Variants in FAN1 observed in about 807,000 individuals in gnomAD.
The protein encoded by FAN1 is fanconi-associated nuclease 1.
A neutral mutation model predicts 104.9 loss-of-function variants in FAN1; 91 were observed. The observed-to-expected ratio is 0.87, with a 90% CI of 0.73 to 1.03. FAN1 has a LOEUF of 1.03. Among genes scored for constraint, FAN1 ranks in the 50% least tolerant of loss-of-function variants. The pLI is 0.00. For missense variants in FAN1, 1,263 were observed against 1,239.9 expected, an observed-to-expected ratio of 1.02 and a Z score of -0.28; for synonymous variants, 478 against 457.6, an observed-to-expected ratio of 1.04 and a Z score of -0.57.
chr15:30,914,172 A>T (rs1243668900), intron 5 of FAN1, 81 bp downstream of exon 5: 1 of 1,071,306 alleles, frequency 9.3e-7, no homozygotes, highest in Non-Finnish European at 1.4e-6. Context: ...TTTTCCAGCC[A>T]AAGTAGAAAC....
chr15:30,941,862 G>T lies in FAN1; in HGVS notation c.*300G>T, dbSNP rs781668189. The T allele has an allele frequency of 8.1e-6, 13 of 1,613,928 alleles. No individual in the cohort carries two copies. Among genetic ancestry groups the T allele is most frequent in the Non-Finnish European group, 7.6e-6 (9 of 1,179,914 alleles). ...AGTTTTATGTGTGTTCCAGAGACAC[G>T]TGGCAGAATAACACCGTGCAGGTTG... On this transcript the variant is annotated 3_prime_UTR_variant, in exon 15 of 15. Coordinates refer to ENST00000362065, the MANE Select transcript of FAN1 (RefSeq NM_014967.5).
chr15:30,909,092 C>T (rs1159332504), intron 3 of FAN1, among the ~76,000 whole-genome samples: 2 of 151,288 alleles, frequency 1.3e-5, no homozygotes, highest in Non-Finnish European at 2.9e-5. Context: ...TGATACCCTT[C>T]GTTGTCTTGT....
chr15:30,914,693 A>G (rs1256312225), intron 5 of FAN1, among the ~76,000 whole-genome samples: 1 of 152,174 alleles, frequency 6.6e-6, no homozygotes, highest in Non-Finnish European at 1.5e-5. Flanking sequence ...AGACATATTA[A>G]CAAACTTGAC....
At chr15:30,941,134 C>G in intron 14 of FAN1, 1 of 1,282,952 alleles carries the variant, frequency 7.8e-7, no homozygotes, top group Middle Eastern at 2.1e-4. Context: ...TTGTCTGCTG[C>G]CTGGGGCTGC....
At chr15:30,938,920 G>A in intron 14 of FAN1, 1 of 985,260 alleles carries the variant, frequency 1.0e-6, no homozygotes. Context: ...TCCAGTAGAT[G>A]ATTTCATACT....
intron 5 of FAN1, among the ~76,000 whole-genome samples, chr15:30,915,709 A>G (rs1229768835): frequency 6.6e-6 from 1 of 152,204 alleles, no homozygotes; most frequent in Admixed American, 6.5e-5. Flanking sequence ...CCACATAAAT[A>G]TGTGCAATTT....
intron 14 of FAN1, chr15:30,941,050 T>G (rs2063030343): frequency 1.7e-6 from 2 of 1,181,164 alleles, no homozygotes; most frequent in South Asian, 1.6e-5. Flanking sequence ...ACATGAATAC[T>G]TCCTAAAACC....
intron 13 of FAN1, among the ~76,000 whole-genome samples, chr15:30,932,602 G>C (rs1390672586): frequency 1.3e-5 from 2 of 152,022 alleles, no homozygotes; most frequent in Admixed American, 1.3e-4. Context: ...AACAACATAA[G>C]GCTGTTCATA....
Position 30,904,652 on chromosome 15 carries a change from T to G in FAN1, c.-12T>G. ...GTTTTATTGCTCAGAACATCCAGTT[T>G]TTCTAATACTCATGATGTCAGAAGG... On this transcript the variant is annotated 5_prime_UTR_variant, in exon 2 of 15. Coordinates refer to ENST00000362065, the MANE Select transcript of FAN1 (RefSeq NM_014967.5). 1 of 1,608,028 alleles carries G rather than the reference T, an allele frequency of 6.2e-7. No homozygotes were observed.
At chr15:30,905,977 A>G (rs2061970250) in intron 2 of FAN1, 80 bp downstream of exon 2, 2 of 1,318,318 alleles carry the variant, frequency 1.5e-6, no homozygotes, top group African/African-American at 1.4e-5. Context: ...ATGGGCAGTA[A>G]TCTAGTGACC....
rs1293607570 is a variant in FAN1, at chr15:30,942,208, T to G, written c.*646T>G. 1 of 1,089,774 alleles carries G rather than the reference T, an allele frequency of 9.2e-7. No individual in the cohort carries two copies. Among genetic ancestry groups the G allele is most frequent in the Non-Finnish European group, 1.3e-6 (1 of 762,106 alleles). 67.5% of individuals were successfully genotyped at this position (1,089,774 alleles called of 1,614,324 possible). A position where few individuals can be genotyped will look rare whatever the true frequency, so the allele number is the denominator to read the frequency against. Reference sequence around the variant, plus strand: ...TCAAAGAACATTTTCCTCCCTTCCTTTGTGTCCTTATTCTAATCCTCCTCC... The same window carrying G: ...TCAAAGAACATTTTCCTCCCTTCCTGTGTGTCCTTATTCTAATCCTCCTCC... On this transcript the variant is annotated 3_prime_UTR_variant, in exon 15 of 15. Transcript: ENST00000362065.
chr15:30,937,084 A>G, intron 13 of FAN1, 35 bp from the exon 14 acceptor site: 1 of 1,585,836 alleles, frequency 6.3e-7, no homozygotes, highest in Non-Finnish European at 8.6e-7. Context: ...ATTCAGTAAG[A>G]TACTAATAAC....
chr15:30,928,539 T>TGTGTGTGA lies in FAN1; in HGVS notation c.2489-13_2489-12insTGTGTGAG, dbSNP rs769919620. 5.0e-6 allele frequency: 8 copies of TGTGTGTGA among 1,611,200 alleles called. No individual in the cohort carries two copies. Among genetic ancestry groups the TGTGTGTGA allele is most frequent in the African/African-American group, 1.3e-5 (1 of 74,786 alleles). ...GTGTGTGTGTGTGTGTGTGTGTGTG[T>TGTGTGTGA]GACCTTGTCTTAGGGATTCATGGCG... On this transcript the variant is annotated splice_polypyrimidine_tract_variant and intron_variant, in intron 10 of 14. Coordinates refer to ENST00000362065, the MANE Select transcript of FAN1 (RefSeq NM_014967.5).
chr15:30,941,047 T>C, intron 14 of FAN1: 3 of 1,179,990 alleles, frequency 2.5e-6, no homozygotes, highest in Non-Finnish European at 3.2e-6. Context: ...AATACATGAA[T>C]ACTTCCTAAA....
Position 30,942,103 on chromosome 15 carries a change from G to A in FAN1, c.*541G>A. The A allele has an allele frequency of 1.3e-6, 2 of 1,577,240 alleles. No homozygotes were observed. On this transcript the variant is annotated 3_prime_UTR_variant, in exon 15 of 15. Transcript: ENST00000362065. ...CAGAAGAGATTTTATTATGTTCCGG[G>A]GATTCCCTTTTTAGAAAGATTGAAG... is the stretch of plus-strand genomic sequence containing the variant.
In FAN1 at chr15:30,925,225, G is replaced by T. The variant is rs60719098; in HGVS notation, c.2271G>T (p.Pro757=). 6.2e-7 allele frequency: 1 copy of T among 1,613,872 alleles called. No homozygotes were observed. Among genetic ancestry groups the T allele is most frequent in the African/African-American group, 1.3e-5 (1 of 74,824 alleles). ...YQRAVRLRES[P]SCKKFKHLFQ... ...GAGCCGTGCGCCTGCGAGAGTCTCCGAGCTGTAAAAAGTTCAAGCACCTCT... is the reference window on the plus strand; with the variant it reads ...GAGCCGTGCGCCTGCGAGAGTCTCCTAGCTGTAAAAAGTTCAAGCACCTCT... The change falls in exon 9 of 15, where the codon CCG becomes CCT. Residue 757 remains proline, a synonymous_variant. Coordinates refer to ENST00000362065, the MANE Select transcript of FAN1 (RefSeq NM_014967.5).
intron 2 of FAN1, 91 bp from the exon 3 acceptor site, chr15:30,908,027 C>CAT: frequency 9.6e-7 from 1 of 1,036,966 alleles, no homozygotes; most frequent in Non-Finnish European, 1.4e-6. Flanking sequence ...ATACAGTAAG[C>CAT]ATATGTGTAT....
chr15:30,930,361 T>G (rs1040649285), intron 12 of FAN1, among the ~76,000 whole-genome samples, 182 bp from the exon 13 acceptor site: 4 of 152,144 alleles, frequency 2.6e-5, no homozygotes, highest in Non-Finnish European at 4.4e-5. Context: ...CACTTGCCAG[T>G]GGGATTCCAG....
chr15:30,927,125 C>T (rs1291684238), intron 10 of FAN1: 1 of 919,236 alleles, frequency 1.1e-6, no homozygotes, highest in Non-Finnish European at 1.3e-6. Flanking sequence ...GGGAGGATCT[C>T]TTGACCCCAG....
Sources: gnomAD v4.1 joint callset for allele counts (sites outside exome capture counted in the v4.1 genomes callset) on GRCh38, gnomAD v4.1.1 for gene constraint, MANE v1.5 for transcripts, NCBI Gene and HGNC (gene_info 2026-07-23, HGNC 2026-07-21) for gene names.